Variants in DNAH11 observed in about 807,000 individuals in gnomAD.
DNAH11 encodes the protein dynein axonemal heavy chain 11, also known as axonemal beta dynein heavy chain 11.
A neutral mutation model predicts 526.0 loss-of-function variants in DNAH11; 442 were observed. That is an observed-to-expected ratio of 0.84 (90% confidence interval 0.78 to 0.91). DNAH11 has a LOEUF of 0.91. Among genes scored for constraint, DNAH11 ranks in the 40% least tolerant of loss-of-function variants. The pLI is 0.00. For missense variants in DNAH11, 6,989 were observed against 5,448.7 expected (o/e 1.28, Z -8.90); for synonymous variants, 2,461 against 1,935.9 (o/e 1.27, Z -7.12).
chr7:21,795,521 T>A (rs974738286), intron 61 of DNAH11, among the ~76,000 whole-genome samples: 1 of 152,240 alleles, frequency 6.6e-6, no homozygotes, highest in Admixed American at 6.5e-5. Flanking sequence ...TTAAAGTCTT[T>A]TAACTTTTTA....
chr7:21,657,726 C>G (rs575754282), intron 29 of DNAH11, among the ~76,000 whole-genome samples: 37 of 152,230 alleles, frequency 2.4e-4, no homozygotes, highest in African/African-American at 8.9e-4. Flanking sequence ...TGACATAATT[C>G]GGTTAATCTG....
At chr7:21,867,367 G>C (rs1001258780) in intron 71 of DNAH11, among the ~76,000 whole-genome samples, 1 of 152,186 alleles carries the variant, frequency 6.6e-6, no homozygotes, top group Admixed American at 6.5e-5. Context: ...TACTTTACAA[G>C]TTAATTCTGC....
intron 23 of DNAH11, among the ~76,000 whole-genome samples, chr7:21,618,745 C>A (rs534791790): frequency 6.6e-6 from 1 of 152,044 alleles, no homozygotes; most frequent in African/African-American, 2.4e-5. Context: ...TGAGCCACTA[C>A]CTGATTCCTG....
chr7:21,855,013 C>T (rs538535602), intron 68 of DNAH11, among the ~76,000 whole-genome samples: 27 of 150,492 alleles, frequency 1.8e-4, no homozygotes, highest in African/African-American at 6.4e-4. Flanking sequence ...GTGTATTGCT[C>T]CTGAGCAGTC....
At chr7:21,579,845 G>A (rs941495616) in intron 8 of DNAH11, among the ~76,000 whole-genome samples, 1 of 152,192 alleles carries the variant, frequency 6.6e-6, no homozygotes, top group Admixed American at 6.5e-5. Flanking sequence ...GAGGCGAAGA[G>A]TAGTTAGAAA....
At position 21,778,629 on chromosome 7, in the gene DNAH11, G is replaced by A. The variant is rs1265709918; in HGVS notation, c.9337-329G>A. 7.2e-5 allele frequency among the ~76,000 whole-genome samples: 11 copies of A among 152,130 alleles called. No individual in the cohort carries two copies. The East Asian group carries it at 2.1e-3, about 29-fold the overall frequency. On this transcript the variant is annotated intron_variant, in intron 56 of 81. Transcript: ENST00000409508. ...CCACAACCTCTGCTTCCTTGAGCCC[G>A]AGCTGCCTAGGACCCAAAAGCAGAC...
intron 6 of DNAH11, among the ~76,000 whole-genome samples, chr7:21,568,823 G>C (rs112872388): frequency 0.021 from 3,139 of 150,292 alleles, 120 homozygotes; most frequent in African/African-American, 0.071. Flanking sequence ...ATCCTAAAAA[G>C]ACACATTTAC....
At chr7:21,689,855 C>T (rs1262479809) in intron 34 of DNAH11, among the ~76,000 whole-genome samples, 5 of 152,170 alleles carry the variant, frequency 3.3e-5, no homozygotes, top group South Asian at 2.1e-4. Context: ...TATTTTGTCT[C>T]GTTTACCCTC....
chr7:21,741,865 G>A lies in DNAH11; in HGVS notation c.7915-62G>A, dbSNP rs924874307. Reference sequence around the variant, plus strand: ...ACAGGGAGGAGTGAAAAAAAATCAGGTCTTTGCAATTTTCTGGTACAATTG... The same window carrying A: ...ACAGGGAGGAGTGAAAAAAAATCAGATCTTTGCAATTTTCTGGTACAATTG... On this transcript the variant is annotated intron_variant, in intron 48 of 81. Coordinates refer to ENST00000409508, the MANE Select transcript of DNAH11 (RefSeq NM_001277115.2). 11 of 1,571,750 alleles carry A rather than the reference G, an allele frequency of 7.0e-6. No homozygotes were observed. The Middle Eastern group carries it at 6.8e-4, about 98-fold the overall frequency.
intron 68 of DNAH11, among the ~76,000 whole-genome samples, chr7:21,856,875 T>A (rs1782870851): frequency 6.6e-6 from 1 of 152,122 alleles, no homozygotes; most frequent in South Asian, 2.1e-4. Context: ...ACACCAACAT[T>A]ATACTTAATG....
At chr7:21,627,314 G>T (rs908476284) in intron 25 of DNAH11, among the ~76,000 whole-genome samples, 1 of 151,944 alleles carries the variant, frequency 6.6e-6, no homozygotes, top group African/African-American at 2.4e-5. Context: ...TTGTTGCCTG[G>T]GGTTTTGAAG....
intron 48 of DNAH11, among the ~76,000 whole-genome samples, chr7:21,739,886 C>A (rs1226401532): frequency 6.6e-6 from 1 of 152,138 alleles, no homozygotes; most frequent in Non-Finnish European, 1.5e-5. Flanking sequence ...ATAGCAAAAT[C>A]AACTGGCAGT....
Position 21,637,651 on chromosome 7 carries a change from A to C in DNAH11, c.4766A>C (p.Glu1589Ala). ...ACAGCCAAAGTAGAAAATGTGTTAG[A>C]AGCAACGTGCAGACCTAATCTCTAT... ...FKTAKVENVL[E>A]ATCRPNLYEK... is the part of the protein sequence containing the mutation. The change falls in exon 27 of 82, where the codon GAA becomes GCA. Residue 1589 changes from glutamate (E) to alanine (A), a missense_variant. By Grantham distance (107) the Glu-to-Ala change is moderately radical. Transcript: ENST00000409508. 6.3e-7 allele frequency: 1 copy of C among 1,589,650 alleles called. No individual in the cohort carries two copies. Among genetic ancestry groups the C allele is most frequent in the South Asian group, 1.2e-5 (1 of 86,748 alleles).
intron 65 of DNAH11, among the ~76,000 whole-genome samples, chr7:21,823,279 C>T (rs1790132750): frequency 6.6e-6 from 1 of 152,066 alleles, no homozygotes; most frequent in South Asian, 2.1e-4. Context: ...CTCTTCCCCC[C>T]TCGGTTTTTT....
chr7:21,606,328 A>G (rs79347834), intron 18 of DNAH11, 98 bp from the exon 19 acceptor site: 1 of 452,102 alleles, frequency 2.2e-6, no homozygotes, highest in Non-Finnish European at 3.4e-6. Context: ...GTCTCAAGAG[A>G]AAAAAAAAAA....
chr7:21,591,545 G>T lies in DNAH11; in HGVS notation c.2635G>T (p.Gly879Ter). Residue 879 changes from glycine (G) to a stop codon, truncating the protein, a stop_gained, in exon 14 of 82, where the codon GGA becomes TGA. Coordinates refer to ENST00000409508, the MANE Select transcript of DNAH11 (RefSeq NM_001277115.2). LOFTEE classifies it high-confidence loss of function. ...LFTKKYKLIQ[G>*]DGCKIHNLVE... ...TACAAAAAAATACAAGTTAATCCAA[G>T]GAGATGGCTGCAAGATCCACAACTT... 1 of 1,583,082 alleles carries T rather than the reference G, an allele frequency of 6.3e-7. No homozygotes were observed. The highest frequency in any genetic ancestry group is 8.6e-7 in the Non-Finnish European group (1 of 1,160,118).
chr7:21,612,983 A>G (rs576484768), intron 20 of DNAH11, among the ~76,000 whole-genome samples: 1 of 152,304 alleles, frequency 6.6e-6, no homozygotes, highest in South Asian at 2.1e-4. Flanking sequence ...CTTAGCAGCC[A>G]TTTTTTACCT....
At chr7:21,710,021 G>A (rs1784403202) in intron 40 of DNAH11, among the ~76,000 whole-genome samples, 1 of 152,146 alleles carries the variant, frequency 6.6e-6, no homozygotes, top group Admixed American at 6.5e-5. Context: ...GATTTAAAAT[G>A]TTTTTGCCTA....
Position 21,742,117 on chromosome 7 carries a change from T to C in DNAH11, c.8105T>C (p.Ile2702Thr), listed in dbSNP as rs1785933178. ...ATGTGTAACTTTTTACCCACGGCTA[T>C]TAAATTCCACTACATCTTTAATCTG... The part of the protein sequence containing the change: ...TMMCNFLPTA[I>T]KFHYIFNLRD... The change falls in exon 49 of 82, where the codon ATT (isoleucine) becomes ACT (threonine). Residue 2702 changes from isoleucine (I) to threonine (T), a missense_variant. Transcript: ENST00000409508. The C allele has an allele frequency of 1.1e-5, 18 of 1,613,948 alleles. No individual in the cohort carries two copies. The highest frequency in any genetic ancestry group is 1.5e-5 in the Non-Finnish European group (18 of 1,179,856).
Sources: allele counts gnomAD v4.1 joint callset (sites outside exome capture counted in the v4.1 genomes callset), GRCh38; gene constraint gnomAD v4.1.1; transcripts MANE v1.5; gene names NCBI Gene and HGNC (gene_info 2026-07-23, HGNC 2026-07-21).